Variants in PLCB4 observed in about 807,000 individuals in gnomAD.
PLCB4 encodes the protein 1-phosphatidylinositol 4,5-bisphosphate phosphodiesterase beta-4.
In PLCB4, 77 loss-of-function variants were observed where a neutral mutation model predicts 178.8. The observed-to-expected ratio is 0.43, with a 90% CI of 0.36 to 0.52. PLCB4 has a LOEUF of 0.52. PLCB4 is among the 20% of genes least tolerant of loss of function. The probability of loss-of-function intolerance (pLI) is 0.00; values close to 1 mark genes in which losing one functional copy is unlikely to be tolerated. For missense variants in PLCB4, 1,024 were observed against 1,453.4 expected (o/e 0.70, Z 4.80); for synonymous variants, 496 against 490.8 (o/e 1.01, Z -0.14).
chr20:9,216,085 A>G (rs933806917), intron 2 of PLCB4, among the ~76,000 whole-genome samples: 3 of 152,186 alleles, frequency 2.0e-5, no homozygotes, highest in Non-Finnish European at 4.4e-5. Context: ...ACCTTCACAA[A>G]TTTCAATTCA....
intron 3 of PLCB4, among the ~76,000 whole-genome samples, chr20:9,252,940 T>A (rs1328271859): frequency 6.6e-6 from 1 of 152,178 alleles, no homozygotes; most frequent in Non-Finnish European, 1.5e-5. Context: ...CTGGCTTTCA[T>A]GGGCCTCCAC....
rs994334797 is a variant in PLCB4, at chr20:9,307,514, C to T, written c.-15-286C>T. On this transcript the variant is annotated intron_variant, in intron 3 of 39. Transcript: ENST00000378473. ...AAGAATACACACACACACACACACA[C>T]ACACACACACACACACACACACACA... is the stretch of plus-strand genomic sequence containing the variant. 7.9e-4 allele frequency among the ~76,000 whole-genome samples: 108 copies of T among 136,094 alleles called. 1 individual carries two copies. Among genetic ancestry groups the T allele is most frequent in the East Asian group, 1.8e-3 (9 of 5,098 alleles). The allele number at this position is 136,094 out of a possible 152,430, so 89.3% of individuals were successfully genotyped here. A position where few individuals can be genotyped will look rare whatever the true frequency, so the allele number is the denominator to read the frequency against.
At chr20:9,332,919 C>T (rs147823186) in intron 4 of PLCB4, among the ~76,000 whole-genome samples, 45 of 152,290 alleles carry the variant, frequency 3.0e-4, no homozygotes, top group African/African-American at 9.4e-4. Flanking sequence ...ATTCCCAGGA[C>T]GTGCCTCAAA....
intron 38 of PLCB4, among the ~76,000 whole-genome samples, chr20:9,474,015 G>A (rs947997923): frequency 2.6e-5 from 4 of 152,092 alleles, no homozygotes; most frequent in African/African-American, 7.2e-5. Context: ...TCAGGAGATC[G>A]AGACCATCCT....
intron 4 of PLCB4, among the ~76,000 whole-genome samples, chr20:9,336,690 G>T (rs73609458): frequency 0.019 from 2,826 of 147,208 alleles, 98 homozygotes; most frequent in African/African-American, 0.067. Context: ...AGATAAAAAA[G>T]CAAAAATCTC....
intron 3 of PLCB4, among the ~76,000 whole-genome samples, chr20:9,280,025 G>C (rs912033224): frequency 6.6e-6 from 1 of 152,016 alleles, no homozygotes; most frequent in African/African-American, 2.4e-5. Context: ...CAGACTAGCT[G>C]TTGGCCAGCC....
rs1178948664 is a variant in PLCB4 at position 9,437,112 on chromosome 20, C to T, written c.2724C>T (p.Thr908=). The change falls in exon 30 of 40, where the codon ACC becomes ACT. Residue 908 remains threonine, a synonymous_variant. Transcript: ENST00000378473. ...TPQSSSELRP[T]TTAALASGVE... The stretch of plus-strand genomic sequence containing the variant: ...AGAGTAGCTCTGAGCTCAGACCAAC[C>T]ACCACGGCTGCCCTGGCCTCTGGTG... 4 of 1,614,094 alleles carry T rather than the reference C, an allele frequency of 2.5e-6. No individual in the cohort carries two copies. The South Asian group carries it at 3.3e-5, about 13-fold the overall frequency.
chr20:9,466,750 A>C (rs954840244), intron 35 of PLCB4, among the ~76,000 whole-genome samples: 1 of 152,202 alleles, frequency 6.6e-6, no homozygotes, highest in Non-Finnish European at 1.5e-5. Context: ...CGCCAGTTAG[A>C]ATGGCGATCA....
chr20:9,358,180 G>A (rs892604237), intron 7 of PLCB4, among the ~76,000 whole-genome samples: 5 of 152,224 alleles, frequency 3.3e-5, no homozygotes, highest in African/African-American at 9.6e-5. Context: ...CCTGAAGATT[G>A]ATTCAGCCGG....
chr20:9,410,142 T>C (rs1004981344), intron 24 of PLCB4, among the ~76,000 whole-genome samples: 11 of 152,190 alleles, frequency 7.2e-5, no homozygotes, highest in Admixed American at 2.6e-4. Flanking sequence ...TTGGCATGAG[T>C]GTGAGCTGAC....
chr20:9,456,347 A>G (rs942846610), intron 33 of PLCB4, among the ~76,000 whole-genome samples: 7 of 152,220 alleles, frequency 4.6e-5, no homozygotes, highest in African/African-American at 1.4e-4. Flanking sequence ...TACCTCTCAT[A>G]TGCTTTCCAC....
At chr20:9,213,145 T>C (rs1410288558) in intron 2 of PLCB4, among the ~76,000 whole-genome samples, 1 of 131,996 alleles carries the variant, frequency 7.6e-6, no homozygotes, top group African/African-American at 3.5e-5. Context: ...TTTTTTTTTT[T>C]TTTTTTTTTT....
chr20:9,184,713 A>G (rs534792799), intron 2 of PLCB4, among the ~76,000 whole-genome samples: 23 of 151,454 alleles, frequency 1.5e-4, no homozygotes, highest in Non-Finnish European at 3.2e-4. Flanking sequence ...GAACCGATTT[A>G]TGAGCTGTCA....
In PLCB4 at chr20:9,480,250, C is replaced by T. The variant is rs1603143820; in HGVS notation, c.*1241C>T. The T allele has an allele frequency of 6.6e-6, 1 of 152,480 alleles. No homozygotes were observed. The highest frequency in any genetic ancestry group is 1.9e-4 in the East Asian group (1 of 5,194). The allele number at this position is 152,480 out of a possible 1,614,324, so 9.4% of individuals were successfully genotyped here. On this transcript the variant is annotated 3_prime_UTR_variant, in exon 40 of 40. Coordinates refer to ENST00000378473, the MANE Select transcript of PLCB4 (RefSeq NM_001377142.1). ...GCAGACAGTGCATGAAAAAGTATTC[C>T]GCTGGGAATTGAGCCATGCCACCAA...
chr20:9,069,205 A>T lies in PLCB4; in HGVS notation c.-136A>T, dbSNP rs2089435852. On this transcript the variant is annotated splice_region_variant and 5_prime_UTR_variant, in exon 1 of 40. Coordinates refer to ENST00000378473, the MANE Select transcript of PLCB4 (RefSeq NM_001377142.1). ...CGGCAGCAGCTCCAGGCAAAGTGACAGGTAGGAAAAGGCATTTCGGGTCCC... is the reference window on the plus strand; with the variant it reads ...CGGCAGCAGCTCCAGGCAAAGTGACTGGTAGGAAAAGGCATTTCGGGTCCC... 6.5e-6 allele frequency: 1 copy of T among 152,898 alleles called. No homozygotes were observed. The highest frequency in any genetic ancestry group is 2.4e-5 in the African/African-American group (1 of 41,458). The allele number at this position is 152,898 out of a possible 1,614,324, so 9.5% of individuals were successfully genotyped here.
At chr20:9,220,995 C>T (rs1450287252) in intron 3 of PLCB4, among the ~76,000 whole-genome samples, 1 of 152,092 alleles carries the variant, frequency 6.6e-6, no homozygotes. Context: ...TTTCTTAGAG[C>T]ACATTCATGC....
chr20:9,379,419 A>G (rs1034728729), intron 12 of PLCB4, among the ~76,000 whole-genome samples: 2 of 152,150 alleles, frequency 1.3e-5, no homozygotes, highest in African/African-American at 4.8e-5. Context: ...AGAGAATTCT[A>G]TATTGTTTAT....
chr20:9,223,939 G>A (rs1485439058), intron 3 of PLCB4, among the ~76,000 whole-genome samples: 1 of 152,176 alleles, frequency 6.6e-6, no homozygotes, highest in African/African-American at 2.4e-5. Context: ...GATGCTTCTG[G>A]ATGTGAGAGA....
At chr20:9,247,171 C>T (rs1329105216) in intron 3 of PLCB4, among the ~76,000 whole-genome samples, 1 of 151,966 alleles carries the variant, frequency 6.6e-6, no homozygotes, top group Non-Finnish European at 1.5e-5. Flanking sequence ...GTTGCCAATG[C>T]CCATAATTGA....
Sources: gnomAD v4.1 joint callset for allele counts (sites outside exome capture counted in the v4.1 genomes callset) on GRCh38, gnomAD v4.1.1 for gene constraint, MANE v1.5 for transcripts, NCBI Gene and HGNC (gene_info 2026-07-23, HGNC 2026-07-21) for gene names.